The following PTPN9 variants were observed in gnomAD, a reference collection of about 807,000 sequenced individuals.
PTPN9 encodes the protein tyrosine-protein phosphatase non-receptor type 9.
In PTPN9, 26 loss-of-function variants were observed where a neutral mutation model predicts 69.8. The ratio of observed to expected loss-of-function variants is 0.37; its 90% CI spans 0.27 to 0.52. The LOEUF (loss-of-function observed/expected upper bound fraction) is 0.52, where lower values mean the gene tolerates loss of function less well. Ranked by LOEUF, PTPN9 falls within the 20% of genes least tolerant of loss-of-function variation. The pLI is 0.91. For synonymous variants in PTPN9, 274 were observed against 272.5 expected (o/e 1.01, Z -0.05); for missense variants, 549 against 740.3 (o/e 0.74, Z 3.00).
chr15:75,565,059 C>T (rs2075120792), intron 1 of PTPN9, among the ~76,000 whole-genome samples: 2 of 150,232 alleles, frequency 1.3e-5, no homozygotes, highest in African/African-American at 4.9e-5. Flanking sequence ...CGAGATTCTA[C>T]CACTGCACTC....
chr15:75,557,373 T>A (rs28623700), intron 1 of PTPN9, among the ~76,000 whole-genome samples: 53,233 of 151,336 alleles, frequency 0.35, 10,613 homozygotes, highest in African/African-American at 0.53. Flanking sequence ...TGTAGAGGGC[T>A]GAGATCACAC....
At chr15:75,512,929 T>C in intron 5 of PTPN9, 1 of 383,068 alleles carries the variant, frequency 2.6e-6, no homozygotes, top group Non-Finnish European at 5.1e-6. Flanking sequence ...TCTGTAGATC[T>C]GGTTCATCTA....
At chr15:75,480,741 G>A in intron 8 of PTPN9, 1 of 1,294,274 alleles carries the variant, frequency 7.7e-7, no homozygotes, top group Non-Finnish European at 9.9e-7. Context: ...GGGCAGCGGA[G>A]CTGTCTCAGT....
chr15:75,532,632 A>T (rs979969972), intron 1 of PTPN9, among the ~76,000 whole-genome samples: 2 of 152,160 alleles, frequency 1.3e-5, no homozygotes, highest in Non-Finnish European at 2.9e-5. Context: ...CACAGGAACA[A>T]TTCCTCCTGG....
chr15:75,502,544 T>C (rs533200688), intron 7 of PTPN9, among the ~76,000 whole-genome samples: 5 of 152,082 alleles, frequency 3.3e-5, no homozygotes, highest in Admixed American at 6.6e-5. Flanking sequence ...TATATATATA[T>C]GTATGTATGT....
At chr15:75,469,686 G>A in intron 12 of PTPN9, 106 bp downstream of exon 12, 1 of 1,240,664 alleles carries the variant, frequency 8.1e-7, no homozygotes, top group South Asian at 1.3e-5. Context: ...CACCAAGGGA[G>A]CAAGTGAGTT....
rs71140168 is a variant in PTPN9, at chr15:75,537,443, T to TAAAAAA, written c.64-10188_64-10183dup. On this transcript the variant is annotated intron_variant, in intron 1 of 12. Coordinates refer to ENST00000618819, the MANE Select transcript of PTPN9 (RefSeq NM_002833.4). Reference sequence around the variant, plus strand: ...AAGAGGAATCGTCAAATATCTTCCCTAAAAAAAAAAAAAAAAAAAAAAAAA... The same window carrying TAAAAAA: ...AAGAGGAATCGTCAAATATCTTCCCTAAAAAAAAAAAAAAAAAAAAAAAAAAAAAAA... Among the ~76,000 whole-genome samples, 9 of 20,350 alleles carry TAAAAAA rather than the reference T, an allele frequency of 4.4e-4. 2 individuals are homozygous for TAAAAAA. Among genetic ancestry groups the TAAAAAA allele is most frequent in the East Asian group, 3.0e-3 (2 of 656 alleles). 13.4% of individuals were successfully genotyped at this position (20,350 alleles called of 152,430 possible).
At chr15:75,571,752 G>C (rs2141346004) in intron 1 of PTPN9, among the ~76,000 whole-genome samples, 1 of 152,126 alleles carries the variant, frequency 6.6e-6, no homozygotes, top group South Asian at 2.1e-4. Context: ...AAATTGGCCA[G>C]GCATGGTGGT....
rs2074545644 is a variant in PTPN9, at chr15:75,468,247, C to T, written c.*522G>A. On this transcript the variant is annotated 3_prime_UTR_variant, in exon 13 of 13. Coordinates refer to ENST00000618819, the MANE Select transcript of PTPN9 (RefSeq NM_002833.4). ...ATGGACCCATACACATAAGTGCACACACACACACACACAGAATGACAGAAA... is the reference window on the plus strand; with the variant it reads ...ATGGACCCATACACATAAGTGCACATACACACACACACAGAATGACAGAAA... The T allele has an allele frequency of 6.2e-6, 1 of 161,336 alleles. No homozygotes were observed. The highest frequency in any genetic ancestry group is 1.4e-5 in the Non-Finnish European group (1 of 72,536). 10.0% of individuals were successfully genotyped at this position (161,336 alleles called of 1,614,324 possible). A position where few individuals can be genotyped will look rare whatever the true frequency, so the allele number is the denominator to read the frequency against.
intron 1 of PTPN9, among the ~76,000 whole-genome samples, chr15:75,530,497 T>G (rs1173827871): frequency 1.1e-5 from 1 of 91,550 alleles, no homozygotes; most frequent in African/African-American, 4.5e-5. Context: ...TTATAATATA[T>G]TATATTATAA....
chr15:75,517,427 G>T, intron 4 of PTPN9, 63 bp from the exon 5 acceptor site: 1 of 1,361,300 alleles, frequency 7.3e-7, no homozygotes. Flanking sequence ...CAGGTTGAAA[G>T]CCTAATGCCA....
At chr15:75,567,406 T>C (rs752787434) in intron 1 of PTPN9, among the ~76,000 whole-genome samples, 2 of 152,210 alleles carry the variant, frequency 1.3e-5, no homozygotes, top group African/African-American at 2.4e-5. Flanking sequence ...GTATCTGTAA[T>C]AATGATTCAC....
chr15:75,476,230 T>G (rs987693711), intron 9 of PTPN9, among the ~76,000 whole-genome samples: 1 of 152,160 alleles, frequency 6.6e-6, no homozygotes, highest in African/African-American at 2.4e-5. Flanking sequence ...AAGAGCTGTA[T>G]TTTTTGCTAT....
intron 1 of PTPN9, among the ~76,000 whole-genome samples, chr15:75,536,664 G>A (rs1436171418): frequency 2.0e-5 from 3 of 152,134 alleles, no homozygotes; most frequent in Non-Finnish European, 4.4e-5. Flanking sequence ...GAACAGGGGG[G>A]CTGAACCAGA....
At chr15:75,488,849 G>C (rs2074693526) in intron 8 of PTPN9, among the ~76,000 whole-genome samples, 1 of 151,478 alleles carries the variant, frequency 6.6e-6, no homozygotes, top group Non-Finnish European at 1.5e-5. Context: ...TCATATTATA[G>C]GGGATGCATA....
intron 1 of PTPN9, among the ~76,000 whole-genome samples, chr15:75,559,306 C>T (rs1296903988): frequency 6.6e-6 from 1 of 152,120 alleles, no homozygotes; most frequent in Admixed American, 6.6e-5. Context: ...GCCATGACGA[C>T]GATGGCGGTT....
At chr15:75,479,163 C>T (rs1224002921) in intron 9 of PTPN9, among the ~76,000 whole-genome samples, 4 of 152,102 alleles carry the variant, frequency 2.6e-5, no homozygotes, top group Admixed American at 1.3e-4. Context: ...AAAAATTAGC[C>T]GGGCGTGGTG....
chr15:75,577,301 T>C (rs1384176137), intron 1 of PTPN9, among the ~76,000 whole-genome samples: 1 of 152,206 alleles, frequency 6.6e-6, no homozygotes, highest in Non-Finnish European at 1.5e-5. Context: ...AGGAAAAGGA[T>C]GAAAGAAAGA....
chr15:75,499,345 T>G (rs1315310424), intron 7 of PTPN9, among the ~76,000 whole-genome samples: 1 of 151,426 alleles, frequency 6.6e-6, no homozygotes, highest in Non-Finnish European at 1.5e-5. Context: ...ATCTGTTCTC[T>G]GATTGTCAAA....
Sources: allele counts gnomAD v4.1 joint callset (sites outside exome capture counted in the v4.1 genomes callset), GRCh38; gene constraint gnomAD v4.1.1; transcripts MANE v1.5; gene names NCBI Gene and HGNC (gene_info 2026-07-23, HGNC 2026-07-21).